The following TMEM47 variants were observed in gnomAD, a reference collection of about 807,000 sequenced individuals.
TMEM47 encodes brain cell membrane protein 1.
Under a neutral mutation model 12.4 loss-of-function variants are expected in TMEM47, and 3 were observed. The ratio of observed to expected loss-of-function variants is 0.24; its 90% confidence interval spans 0.11 to 0.63. The LOEUF (loss-of-function observed/expected upper bound fraction) is 0.63. Ranked by LOEUF, TMEM47 falls within the 20% of genes least tolerant of loss-of-function variation. The pLI, the probability that TMEM47 is intolerant of heterozygous loss-of-function variation, is 0.86. For synonymous variants in TMEM47, 62 were observed against 63.3 expected (o/e 0.98, Z 0.10); for missense variants, 89 against 143.8 (o/e 0.62, Z 1.95).
intron 2 of TMEM47, among the ~76,000 whole-genome samples, chrX:34,635,167 C>T (rs1467703084): frequency 9.0e-6 from 1 of 111,473 alleles, no homozygotes; most frequent in African/African-American, 3.3e-5. Context: ...CATTTCTCAA[C>T]CAATGACGCT....
chrX:34,653,829 C>A (rs763396544), intron 1 of TMEM47, among the ~76,000 whole-genome samples: 100 of 111,620 alleles, frequency 9.0e-4, no homozygotes, highest in Non-Finnish European at 1.7e-3. Flanking sequence ...GTGAGTACTG[C>A]GTATTCTAAA....
chrX:34,648,688 T>TAATTGAAA (rs1434231807), intron 1 of TMEM47, among the ~76,000 whole-genome samples: 1 of 111,628 alleles, frequency 9.0e-6, no homozygotes, highest in Non-Finnish European at 1.9e-5. Flanking sequence ...ACAAAATCAA[T>TAATTGAAA]AATTGAAAAA....
chrX:34,657,151 C>G lies in TMEM47; in HGVS notation c.-122G>C. On this transcript the variant is annotated 5_prime_UTR_variant, in exon 1 of 3. Coordinates refer to ENST00000275954, the MANE Select transcript of TMEM47 (RefSeq NM_031442.4). The stretch of plus-strand genomic sequence containing the variant: ...GCTGCCACGCGCGGGGACTCGCTCC[C>G]TCGGGGCTCTGCGCGCCCCCTGCCG... 1 of 998,157 alleles carries G rather than the reference C, an allele frequency of 1.0e-6. No homozygotes were observed. Among genetic ancestry groups the G allele is most frequent in the Non-Finnish European group, 1.3e-6 (1 of 789,927 alleles). 82.3% of individuals were successfully genotyped at this position (998,157 alleles called of 1,213,427 possible).
chrX:34,657,136 G>A lies in TMEM47; in HGVS notation c.-107C>T, dbSNP rs1396572816. Reference sequence around the variant, plus strand: ...GGGAGAAGCCGCCGAGCTGCCACGCGCGGGGACTCGCTCCCTCGGGGCTCT... The same window carrying A: ...GGGAGAAGCCGCCGAGCTGCCACGCACGGGGACTCGCTCCCTCGGGGCTCT... On this transcript the variant is annotated 5_prime_UTR_variant, in exon 1 of 3. Coordinates refer to ENST00000275954, the MANE Select transcript of TMEM47 (RefSeq NM_031442.4). 4 of 1,034,350 alleles carry A rather than the reference G, an allele frequency of 3.9e-6. No individual in the cohort carries two copies. Among genetic ancestry groups the A allele is most frequent in the Admixed American group, 4.8e-5 (1 of 20,946 alleles). 85.2% of individuals were successfully genotyped at this position (1,034,350 alleles called of 1,213,427 possible). A position where few individuals can be genotyped will look rare whatever the true frequency, so the allele number is the denominator to read the frequency against.
intron 1 of TMEM47, among the ~76,000 whole-genome samples, chrX:34,643,329 A>G (rs1237259439): frequency 9.0e-6 from 1 of 111,287 alleles, no homozygotes; most frequent in African/African-American, 3.3e-5. Context: ...TTTAGCAAGA[A>G]CATATACATA....
chrX:34,639,808 T>C (rs1281800131), intron 1 of TMEM47, among the ~76,000 whole-genome samples: 1 of 111,686 alleles, frequency 9.0e-6, no homozygotes, highest in South Asian at 3.8e-4. Context: ...AGGGCATTTC[T>C]ATCACCCAGA....
chrX:34,648,580 A>C (rs1021395786), intron 1 of TMEM47, among the ~76,000 whole-genome samples: 1 of 112,085 alleles, frequency 8.9e-6, no homozygotes, highest in African/African-American at 3.2e-5. Flanking sequence ...CATAAACTAT[A>C]AACTACGTTG....
chrX:34,650,923 T>A (rs1386775816), intron 1 of TMEM47, among the ~76,000 whole-genome samples: 1 of 111,943 alleles, frequency 8.9e-6, no homozygotes, highest in Non-Finnish European at 1.9e-5. Flanking sequence ...CAGTCAGACA[T>A]TATTTATATA....
At position 34,657,015 on chromosome X, in the gene TMEM47, G is replaced by T. The variant is rs370385092; in HGVS notation, c.15C>A (p.Gly5=). ...ACACGCGCACCTCCTCCATGCCGCT[G>T]CCCGCCGAAGCCATTCCTGGGCGCC... The part of the protein sequence containing the change: MASA[G]SGMEEVRVSV... Residue 5 remains glycine, a synonymous_variant, in exon 1 of 3, where the codon GGC becomes GGA. Coordinates refer to ENST00000275954, the MANE Select transcript of TMEM47 (RefSeq NM_031442.4). 4 of 1,146,656 alleles carry T rather than the reference G, an allele frequency of 3.5e-6. No homozygotes were observed. The African/African-American group carries it at 7.2e-5, about 21-fold the overall frequency. The allele number at this position is 1,146,656 out of a possible 1,213,427, so 94.5% of individuals were successfully genotyped here.
rs1921570095 is a variant in TMEM47, at chrX:34,629,326, A to T, written c.*987T>A. 2 of 111,416 alleles carry T rather than the reference A, an allele frequency of 1.8e-5. No homozygotes were observed. The highest frequency in any genetic ancestry group is 3.8e-5 in the Non-Finnish European group (2 of 53,104). The allele number at this position is 111,416 out of a possible 1,213,427, so 9.2% of individuals were successfully genotyped here. On this transcript the variant is annotated 3_prime_UTR_variant, in exon 3 of 3. Transcript: ENST00000275954. ...CATAGAGCAAAAGCTTTAAGGTACC[A>T]TACTTTTGTATGGTAAATAAGTATG...
At position 34,630,489 on chromosome X, in the gene TMEM47, C is replaced by A; in HGVS notation, c.370G>T (p.Val124Phe). 1 of 1,182,583 alleles carries A rather than the reference C, an allele frequency of 8.5e-7. No individual in the cohort carries two copies. Among genetic ancestry groups the A allele is most frequent in the Non-Finnish European group, 1.1e-6 (1 of 880,967 alleles). The change falls in exon 3 of 3, where the codon GTT (valine) becomes TTT (phenylalanine). Residue 124 changes from valine (V) to phenylalanine (F), a missense_variant and splice_region_variant. Transcript: ENST00000275954. ...AGGACCAGGCTGCAAACCTGTAAAA[C>A]AACTGAAAGAAAAGCAAATCAAAAT... ...PVAVMLFAAV[V>F]LQVCSLVLYP...
intron 1 of TMEM47, among the ~76,000 whole-genome samples, chrX:34,642,204 C>T (rs1313094460): frequency 8.9e-6 from 1 of 112,637 alleles, no homozygotes; most frequent in Non-Finnish European, 1.9e-5. Context: ...GGTTTGGACT[C>T]CATGGCTGAG....
rs1205360264 is a variant in TMEM47, at chrX:34,629,359, A to T, written c.*954T>A. ...GTATGGTAAATAAGTATGAATACCA[A>T]TCTAAGCCTCTTAACAATGTGTACA... On this transcript the variant is annotated 3_prime_UTR_variant, in exon 3 of 3. Coordinates refer to ENST00000275954, the MANE Select transcript of TMEM47 (RefSeq NM_031442.4). The T allele has an allele frequency of 9.0e-6, 1 of 111,530 alleles. No homozygotes were observed. The highest frequency in any genetic ancestry group is 3.3e-5 in the African/African-American group (1 of 30,685). The allele number at this position is 111,530 out of a possible 1,213,427, so 9.2% of individuals were successfully genotyped here.
chrX:34,653,367 T>TTA (rs1555922961), intron 1 of TMEM47, among the ~76,000 whole-genome samples: 162 of 110,314 alleles, frequency 1.5e-3, no homozygotes, highest in Admixed American at 3.1e-3. Context: ...TATTTTGGGA[T>TTA]AAAAAAAGGA....
intron 1 of TMEM47, among the ~76,000 whole-genome samples, chrX:34,656,380 G>C (rs1922107110): frequency 9.1e-6 from 1 of 110,198 alleles, no homozygotes; most frequent in African/African-American, 3.3e-5. Flanking sequence ...AGGAAAAAGA[G>C]TGGGGAAGAC....
chrX:34,642,102 C>G (rs901042689), intron 1 of TMEM47, among the ~76,000 whole-genome samples: 6 of 112,482 alleles, frequency 5.3e-5, no homozygotes, highest in African/African-American at 1.9e-4. Flanking sequence ...AGTGATCCAC[C>G]CGCCTCGGCC....
chrX:34,633,920 C>T (rs969675427), intron 2 of TMEM47, among the ~76,000 whole-genome samples: 2 of 111,294 alleles, frequency 1.8e-5, no homozygotes, highest in African/African-American at 6.5e-5. Context: ...TTATTCGACT[C>T]CCTTTGGAAT....
At chrX:34,646,748 C>A (rs1469579023) in intron 1 of TMEM47, among the ~76,000 whole-genome samples, 1 of 110,638 alleles carries the variant, frequency 9.0e-6, no homozygotes, top group African/African-American at 3.3e-5. Flanking sequence ...TAAGAATAAT[C>A]AAAGAGTAGA....
chrX:34,636,475 C>T (rs1415132149), intron 2 of TMEM47, among the ~76,000 whole-genome samples: 2 of 112,021 alleles, frequency 1.8e-5, no homozygotes, highest in Non-Finnish European at 3.8e-5. Flanking sequence ...AAAGAAAACA[C>T]TCATCCTATA....
Sources: gnomAD v4.1 joint callset for allele counts (sites outside exome capture counted in the v4.1 genomes callset) on GRCh38, gnomAD v4.1.1 for gene constraint, MANE v1.5 for transcripts, NCBI Gene and HGNC (gene_info 2026-07-23, HGNC 2026-07-21) for gene names.